Variants in INTS12 observed in about 807,000 individuals in gnomAD.
The protein encoded by INTS12 is integrator complex subunit 12.
A neutral mutation model predicts 41.6 loss-of-function variants in INTS12; 13 were observed. The ratio of observed to expected loss-of-function variants is 0.31; its 90% CI spans 0.20 to 0.50. INTS12 has a LOEUF of 0.50. Among genes scored for constraint, INTS12 ranks in the 20% least tolerant of loss-of-function variants. The probability of loss-of-function intolerance (pLI) is 0.98; values close to 1 mark genes in which losing one functional copy is unlikely to be tolerated. For synonymous variants in INTS12, 199 were observed against 191.4 expected (o/e 1.04, Z -0.33); for missense variants, 432 against 541.6 (o/e 0.80, Z 2.01).
chr4:105,702,130 CTTTTTTT>C (rs950826694), intron 2 of INTS12, among the ~76,000 whole-genome samples: 13 of 109,504 alleles, frequency 1.2e-4, no homozygotes, highest in East Asian at 7.5e-4. Flanking sequence ...ATTTCTATTT[CTTTTTTT>C]TTTTTTTTTT....
Position 105,692,001 on chromosome 4 carries a change from C to G in INTS12, c.632G>C (p.Arg211Pro). The part of the protein sequence containing the change: ...NDPRLVWYCA[R>P]CTRQMKRMAQ... ...CATTCTTTTCATTTGTCTGGTACAT[C>G]GGGCACAATACCACACCAGGCGAGG... The change falls in exon 6 of 8, where the codon CGA (arginine) becomes CCA (proline). Residue 211 changes from arginine to proline, a missense_variant. Coordinates refer to ENST00000340139, the MANE Select transcript of INTS12 (RefSeq NM_020395.4). 6.3e-7 allele frequency: 1 copy of G among 1,576,388 alleles called. No individual in the cohort carries two copies. Among genetic ancestry groups the G allele is most frequent in the East Asian group, 2.4e-5 (1 of 42,376 alleles).
chr4:105,700,772 G>T (rs962017613), intron 2 of INTS12, among the ~76,000 whole-genome samples: 1 of 147,896 alleles, frequency 6.8e-6, no homozygotes, highest in African/African-American at 2.5e-5. Flanking sequence ...GTGTCCTAAA[G>T]AGCTTAAAAA....
At position 105,682,939 on chromosome 4, in the gene INTS12, G is replaced by C. The variant is rs756199076; in HGVS notation, c.1183C>G (p.Pro395Ala). Reference sequence around the variant, plus strand: ...CCACTTAGTTGGCTGCTGCTTCCTGGAACTAAACTACTTGGACTAGGAAGA... The same window carrying C: ...CCACTTAGTTGGCTGCTGCTTCCTGCAACTAAACTACTTGGACTAGGAAGA... ...VGLPSPSSLV[P>A]GSSSQLSGNG... The change falls in exon 8 of 8, where the codon CCA (proline) becomes GCA (alanine). Residue 395 changes from proline (P) to alanine (A), a missense_variant. Physicochemically the swap from Pro to Ala is conservative, Grantham distance 27. Transcript: ENST00000340139. 3 of 1,613,922 alleles carry C rather than the reference G, an allele frequency of 1.9e-6. No homozygotes were observed. In the African/African-American group the frequency reaches 4.0e-5, roughly 22 times the overall value.
chr4:105,692,685 C>T (rs1731733011), intron 5 of INTS12, among the ~76,000 whole-genome samples: 1 of 151,972 alleles, frequency 6.6e-6, no homozygotes, highest in African/African-American at 2.4e-5. Context: ...GCTATTTTCT[C>T]GTCATTTCTC....
intron 3 of INTS12, among the ~76,000 whole-genome samples, chr4:105,699,066 C>T (rs1731969729): frequency 6.6e-6 from 1 of 152,136 alleles, no homozygotes; most frequent in African/African-American, 2.4e-5. Flanking sequence ...ACTGGATCTC[C>T]TTCAATTTTT....
chr4:105,693,820 T>C (rs910405099), intron 4 of INTS12, among the ~76,000 whole-genome samples: 4 of 152,298 alleles, frequency 2.6e-5, no homozygotes, highest in South Asian at 2.1e-4. Context: ...TTAACACATA[T>C]TTGCTTCAAA....
intron 7 of INTS12, among the ~76,000 whole-genome samples, chr4:105,684,043 A>T (rs963409377): frequency 6.6e-6 from 1 of 152,108 alleles, no homozygotes; most frequent in Non-Finnish European, 1.5e-5. Flanking sequence ...TTTAATAAGG[A>T]TTTTATCAAT....
intron 3 of INTS12, among the ~76,000 whole-genome samples, 196 bp downstream of exon 3, chr4:105,699,654 C>G (rs1368191702): frequency 6.6e-6 from 1 of 152,024 alleles, no homozygotes; most frequent in Non-Finnish European, 1.5e-5. Flanking sequence ...TATCCTGCAC[C>G]CCCAGCTGAT....
intron 6 of INTS12, among the ~76,000 whole-genome samples, chr4:105,689,934 A>T (rs1359603535): frequency 6.6e-6 from 1 of 152,182 alleles, no homozygotes; most frequent in Non-Finnish European, 1.5e-5. Flanking sequence ...CATTTGCTTC[A>T]TTTTATTTAA....
intron 7 of INTS12, among the ~76,000 whole-genome samples, chr4:105,684,344 C>T (rs1005228934): frequency 6.6e-5 from 10 of 152,058 alleles, no homozygotes; most frequent in Non-Finnish European, 8.8e-5. Context: ...AAAAGCATTA[C>T]ATTCACATAT....
chr4:105,693,547 T>C, intron 4 of INTS12, 61 bp from the exon 5 acceptor site: 1 of 1,418,310 alleles, frequency 7.1e-7, no homozygotes, highest in Non-Finnish European at 9.8e-7. Flanking sequence ...TTTAAGTCAC[T>C]GAAAGACGAG....
chr4:105,700,270 A>G (rs1732017415), intron 2 of INTS12: 3 of 222,514 alleles, frequency 1.3e-5, no homozygotes, highest in East Asian at 8.9e-5. Context: ...TTTTAAATCC[A>G]GGTAGGCCTC....
chr4:105,697,426 G>T (rs1731907183), intron 3 of INTS12, among the ~76,000 whole-genome samples: 1 of 151,520 alleles, frequency 6.6e-6, no homozygotes. Flanking sequence ...GGGGGGAAGA[G>T]AAGAAAAAGG....
intron 2 of INTS12, chr4:105,703,096 T>G (rs1732140420): frequency 2.3e-6 from 2 of 855,984 alleles, no homozygotes; most frequent in South Asian, 5.4e-5. Flanking sequence ...TTCCTGTATA[T>G]TCATTCCTAA....
intron 6 of INTS12, among the ~76,000 whole-genome samples, chr4:105,690,026 T>C (rs1213730592): frequency 6.6e-6 from 1 of 152,220 alleles, no homozygotes; most frequent in Non-Finnish European, 1.5e-5. Flanking sequence ...CTCTTACTGA[T>C]AAATTAGATA....
At chr4:105,688,251 G>A (rs1211776911) in intron 6 of INTS12, among the ~76,000 whole-genome samples, 1 of 152,128 alleles carries the variant, frequency 6.6e-6, no homozygotes, top group Non-Finnish European at 1.5e-5. Context: ...CTTCCCGCCA[G>A]CCATTCCATA....
Position 105,693,410 on chromosome 4 carries a change from G to A in INTS12, c.386C>T (p.Pro129Leu). Residue 129 changes from proline to leucine, a missense_variant, in exon 5 of 8, where the codon CCC (proline) becomes CTC (leucine). Physicochemically the swap from Pro to Leu is moderately conservative, Grantham distance 98. Around this residue, in one of 3 missense-constraint regions of INTS12, gnomAD observed 168 missense variants for 198.9 expected, o/e 0.84. Transcript: ENST00000340139. ...ATCCTTGCTACTTTGGACAGTAATG[G>A]GAGATGACTGTGTTTCTGGTTTCTC... is the stretch of plus-strand genomic sequence containing the variant. ...RLEKPETQSS[P>L]ITVQSSKDLP... is the part of the protein sequence containing the mutation. 2 of 1,613,290 alleles carry A rather than the reference G, an allele frequency of 1.2e-6. No homozygotes were observed. The highest frequency in any genetic ancestry group is 1.7e-6 in the Non-Finnish European group (2 of 1,179,290).
At chr4:105,695,007 C>G (rs1731810215) in intron 4 of INTS12, among the ~76,000 whole-genome samples, 1 of 151,976 alleles carries the variant, frequency 6.6e-6, no homozygotes, top group African/African-American at 2.4e-5. Flanking sequence ...TCACTGCAAT[C>G]TCTGCCTCCT....
intron 2 of INTS12, chr4:105,703,014 C>T: frequency 1.0e-6 from 1 of 984,206 alleles, no homozygotes; most frequent in Non-Finnish European, 1.2e-6. Context: ...CTTGGTGTAA[C>T]TGTGTTGATC....
Sources: gnomAD v4.1 joint callset for allele counts (sites outside exome capture counted in the v4.1 genomes callset) on GRCh38, gnomAD v4.1.1 for gene constraint, gnomAD v4.1.1 regional missense constraint, MANE v1.5 for transcripts, NCBI Gene and HGNC (gene_info 2026-07-23, HGNC 2026-07-21) for gene names.